The following NLRP10 variants were observed in gnomAD, a reference collection of about 807,000 sequenced individuals.
NLRP10 encodes the protein NLR family pyrin domain containing 10, also known as NACHT, LRR and PYD domains-containing protein 10.
A neutral mutation model predicts 8.2 loss-of-function variants in NLRP10; 7 were observed. The ratio of observed to expected loss-of-function variants is 0.85; its 90% CI spans 0.48 to 1.60. The LOEUF (loss-of-function observed/expected upper bound fraction) is 1.60. Ranked by LOEUF, NLRP10 falls within the 40% of genes most tolerant of loss-of-function variation. NLRP10 has a pLI of 0.00. For missense variants in NLRP10, 814 were observed against 776.3 expected (o/e 1.05, Z -0.58); for synonymous variants, 338 against 314.0 (o/e 1.08, Z -0.81).
chr11:7,959,893 CTTT>C lies in NLRP10; in HGVS notation c.1716_1718del (p.Ile572_Lys573delinsMet). The C allele has an allele frequency of 1.9e-6, 3 of 1,613,766 alleles. No individual in the cohort carries two copies. Among genetic ancestry groups the C allele is most frequent in the Non-Finnish European group, 2.5e-6 (3 of 1,179,710 alleles). On this transcript the variant is annotated inframe_deletion, in exon 3 of 3. Transcript: ENST00000691676. Reference sequence around the variant, plus strand: ...TCATCTGAATACCTTTTACCAGATTCTTTATTTTAGCTTCATACAGGGAGAATT... The same window carrying C: ...TCATCTGAATACCTTTTACCAGATTCATTTTAGCTTCATACAGGGAGAATT...
Position 7,959,603 on chromosome 11 carries a change from G to C in NLRP10, c.*41C>G. On this transcript the variant is annotated 3_prime_UTR_variant, in exon 3 of 3. Transcript: ENST00000691676. Reference sequence around the variant, plus strand: ...CTTTGATTTCTTTCCTCAGAGTGTTGTCATTTTCCTCATAGAGATCTTGTA... The same window carrying C: ...CTTTGATTTCTTTCCTCAGAGTGTTCTCATTTTCCTCATAGAGATCTTGTA... 1 of 1,038,102 alleles carries C rather than the reference G, an allele frequency of 9.6e-7. No homozygotes were observed. 64.3% of individuals were successfully genotyped at this position (1,038,102 alleles called of 1,614,324 possible). A position where few individuals can be genotyped will look rare whatever the true frequency, so the allele number is the denominator to read the frequency against.
In NLRP10 at chr11:7,960,368, G is replaced by A. The variant is rs1269132615; in HGVS notation, c.1244C>T (p.Ser415Phe). The A allele has an allele frequency of 6.2e-7, 1 of 1,613,904 alleles. No homozygotes were observed. Among genetic ancestry groups the A allele is most frequent in the Non-Finnish European group, 8.5e-7 (1 of 1,180,014 alleles). ...GTGCTGAATCCCTTCAGCTGCTAGGGAGCACAGACTCCTCAGGACCCTGTG... is the reference window on the plus strand; with the variant it reads ...GTGCTGAATCCCTTCAGCTGCTAGGAAGCACAGACTCCTCAGGACCCTGTG... ...SRHRVLRSLC[S>F]LAAEGIQHQR... Residue 415 changes from serine to phenylalanine, a missense_variant, in exon 3 of 3, where the codon TCC becomes TTC. Physicochemically the swap from Ser to Phe is radical, Grantham distance 155. Transcript: ENST00000691676.
rs1668482011 is a variant in NLRP10 at position 7,959,553 on chromosome 11, A to C, written c.*91T>G. On this transcript the variant is annotated 3_prime_UTR_variant, in exon 3 of 3. Transcript: ENST00000691676. ...GAGTCTTTCTATTCATGAACATGGAAAATCTTCCCATTCATTTACAGCTTC... is the reference window on the plus strand; with the variant it reads ...GAGTCTTTCTATTCATGAACATGGACAATCTTCCCATTCATTTACAGCTTC... 1 of 667,026 alleles carries C rather than the reference A, an allele frequency of 1.5e-6. No homozygotes were observed. 41.3% of individuals were successfully genotyped at this position (667,026 alleles called of 1,614,324 possible).
Position 7,960,480 on chromosome 11 carries a change from G to A in NLRP10, c.1132C>T (p.Pro378Ser), listed in dbSNP as rs1172318108. 2 of 1,614,010 alleles carry A rather than the reference G, an allele frequency of 1.2e-6. No homozygotes were observed. Among genetic ancestry groups the A allele is most frequent in the African/African-American group, 2.7e-5 (2 of 74,908 alleles). Residue 378 changes from proline (P) to serine (S), a missense_variant, in exon 3 of 3, where the codon CCT becomes TCT. By Grantham distance (74) the Pro-to-Ser change is moderately conservative. Transcript: ENST00000691676. ...ATGAAGATGTCAGTGCTGTTTCTAG[G>A]TGTCTCTAAGACAACTTTGCCTCTC... ...MERGKVVLET[P>S]RNSTDIFMAY... is the part of the protein sequence containing the mutation.
intron 2 of NLRP10, 55 bp downstream of exon 2, chr11:7,963,152 T>TG: frequency 6.5e-7 from 1 of 1,537,056 alleles, no homozygotes; most frequent in Non-Finnish European, 8.9e-7. Flanking sequence ...AATGCCATGG[T>TG]GGGAGGGGAG....
Position 7,959,845 on chromosome 11 carries a change from T to G in NLRP10, c.1767A>C (p.Lys589Asn). The change falls in exon 3 of 3, where the codon AAA becomes AAC. Residue 589 changes from lysine to asparagine, a missense_variant. Transcript: ENST00000691676. ...TCTGTGATTTCTTTTCATTTGAATGTTTTATCTTGAATGATACATTGTTCA... is the reference window on the plus strand; with the variant it reads ...TCTGTGATTTCTTTTCATTTGAATGGTTTATCTTGAATGATACATTGTTCA... ...IQMNNVSFKI[K>N]HSNEKKSQSQ... is the part of the protein sequence containing the mutation. 8.7e-6 allele frequency: 14 copies of G among 1,613,738 alleles called. No individual in the cohort carries two copies. The highest frequency in any genetic ancestry group is 1.2e-5 in the Non-Finnish European group (14 of 1,179,796).
intron 1 of NLRP10, among the ~76,000 whole-genome samples, chr11:7,964,825 A>G (rs1941793744): frequency 6.6e-6 from 1 of 152,232 alleles, no homozygotes; most frequent in African/African-American, 2.4e-5. Flanking sequence ...AGTCTTTGGA[A>G]AAGAAAAGCA....
chr11:7,959,782 A>G lies in NLRP10; in HGVS notation c.1830T>C (p.His610=), dbSNP rs1338107806. Residue 610 remains histidine (H), a synonymous_variant, in exon 3 of 3, where the codon CAT becomes CAC. Transcript: ENST00000691676. The part of the protein sequence containing the change: ...NLFSVKSSLS[H]GPKEEQKCPS... ...GACATTTTTGCTCCTCCTTAGGTCC[A>G]TGACTCAAGCTGCTTTTGACAGAAA... The G allele has an allele frequency of 2.5e-6, 4 of 1,613,990 alleles. No individual in the cohort carries two copies. Among genetic ancestry groups the G allele is most frequent in the East Asian group, 4.5e-5 (2 of 44,862 alleles).
Position 7,958,561 on chromosome 11 carries a change from T to C in NLRP10, c.*1083A>G, listed in dbSNP as rs1941660017. ...TGTTCCAATCTTTTTACTCACCTTT[T>C]TTTTTTTGAGGCAGAGTCTCACTCT... On this transcript the variant is annotated 3_prime_UTR_variant, in exon 3 of 3. Coordinates refer to ENST00000691676, the MANE Select transcript of NLRP10 (RefSeq NM_001391958.1). 6.6e-6 allele frequency among the ~76,000 whole-genome samples: 1 copy of C among 152,198 alleles called. No individual in the cohort carries two copies.
chr11:7,961,242 C>G lies in NLRP10; in HGVS notation c.370G>C (p.Val124Leu). Residue 124 changes from valine (V) to leucine (L), a missense_variant, in exon 3 of 3, where the codon GTG (valine) becomes CTG (leucine). By Grantham distance (32) the Val-to-Leu change is conservative. Transcript: ENST00000691676. ...GAGCTGGGCTTGGCCACCAGGAGCA[C>G]CTGGTTGTATCTGCCATTGACTCCT... ...EAGVNGRYNQ[V>L]LLVAKPSSES... is the part of the protein sequence containing the mutation. The G allele has an allele frequency of 1.2e-6, 2 of 1,613,162 alleles. No homozygotes were observed. The highest frequency in any genetic ancestry group is 1.7e-6 in the Non-Finnish European group (2 of 1,179,448).
chr11:7,960,323 T>G lies in NLRP10; in HGVS notation c.1289A>C (p.Glu430Ala), dbSNP rs995950260. Reference protein sequence around the residue: ...GIQHQRFLFEEAELRKHNLDG... With the variant: ...GIQHQRFLFEAAELRKHNLDG... ...TAAATTATGTTTCCTGAGCTCAGCT[T>G]CTTCAAATAGGAACCTCTGGTGCTG... The change falls in exon 3 of 3, where the codon GAA (glutamate) becomes GCA (alanine). Residue 430 changes from glutamate (E) to alanine (A), a missense_variant. Physicochemically the swap from Glu to Ala is moderately radical, Grantham distance 107. Coordinates refer to ENST00000691676, the MANE Select transcript of NLRP10 (RefSeq NM_001391958.1). 1 of 1,614,072 alleles carries G rather than the reference T, an allele frequency of 6.2e-7. No individual in the cohort carries two copies. Among genetic ancestry groups the G allele is most frequent in the Non-Finnish European group, 8.5e-7 (1 of 1,180,006 alleles).
At position 7,958,990 on chromosome 11, in the gene NLRP10, ACT is replaced by A. The variant is rs1941668177; in HGVS notation, c.*652_*653del. Among the ~76,000 whole-genome samples the A allele has an allele frequency of 6.6e-6, 1 of 151,772 alleles. No individual in the cohort carries two copies. Among genetic ancestry groups the A allele is most frequent in the Admixed American group, 6.6e-5 (1 of 15,224 alleles). Reference sequence around the variant, plus strand: ...TAAGTTTTTAATTTTCATGAAGCCAACTAATTCTTTTTTTAATGATTCATGCT... The same window carrying A: ...TAAGTTTTTAATTTTCATGAAGCCAAAATTCTTTTTTTAATGATTCATGCT... On this transcript the variant is annotated 3_prime_UTR_variant, in exon 3 of 3. Coordinates refer to ENST00000691676, the MANE Select transcript of NLRP10 (RefSeq NM_001391958.1).
intron 2 of NLRP10, among the ~76,000 whole-genome samples, chr11:7,962,712 C>G (rs1262535740): frequency 6.6e-6 from 1 of 152,218 alleles, no homozygotes; most frequent in East Asian, 1.9e-4. Flanking sequence ...TCCCTCCCCC[C>G]AGGCACCCAC....
rs754346424 is a variant in NLRP10, at chr11:7,960,243, C to T, written c.1369G>A (p.Ala457Thr). The T allele has an allele frequency of 3.1e-6, 5 of 1,614,168 alleles. No individual in the cohort carries two copies. In the Admixed American group the frequency reaches 8.3e-5, roughly 27 times the overall value. The change falls in exon 3 of 3, where the codon GCC becomes ACC. Residue 457 changes from alanine to threonine, a missense_variant. Transcript: ENST00000691676. The stretch of plus-strand genomic sequence containing the variant: ...CGGAAGCTGTAGAACTTCTTGATGG[C>T]AAGTCCCAATTGGTAGTCGTTACTA... ...LSSNDYQLGL[A>T]IKKFYSFRHI... is the part of the protein sequence containing the mutation.
rs1941639952 is a variant in NLRP10 at position 7,957,596 on chromosome 11, TA to T, written c.*2047del. On this transcript the variant is annotated 3_prime_UTR_variant, in exon 3 of 3. Coordinates refer to ENST00000691676, the MANE Select transcript of NLRP10 (RefSeq NM_001391958.1). The stretch of plus-strand genomic sequence containing the variant: ...AATTATACTTCAATAAAACTTTTTT[TA>T]AATACAGAAAGTTCCTATATACCCT... 6.6e-6 allele frequency among the ~76,000 whole-genome samples: 1 copy of T among 152,140 alleles called. No homozygotes were observed. The highest frequency in any genetic ancestry group is 6.5e-5 in the Admixed American group (1 of 15,270).
chr11:7,963,468 G>C lies in NLRP10; in HGVS notation c.28C>G (p.Arg10Gly). 6.2e-7 allele frequency: 1 copy of C among 1,613,276 alleles called. No individual in the cohort carries two copies. The highest frequency in any genetic ancestry group is 8.5e-7 in the Non-Finnish European group (1 of 1,179,554). MAMAKARKP[R>G]EALLWALSDL... ...CTCAAGGCCCAGAGCAATGCCTCCC[G>C]GGGCTTTCTGGCCTTGGCCATGGCC... Residue 10 changes from arginine to glycine, a missense_variant, in exon 2 of 3, where the codon CGG (arginine) becomes GGG (glycine). Transcript: ENST00000691676.
chr11:7,960,332 A>C lies in NLRP10; in HGVS notation c.1280T>G (p.Leu427Arg). The change falls in exon 3 of 3, where the codon CTA becomes CGA. Residue 427 changes from leucine to arginine, a missense_variant. Physicochemically the swap from Leu to Arg is moderately radical, Grantham distance 102 (BLOSUM62 -2). Transcript: ENST00000691676. Reference protein sequence around the residue: ...AAEGIQHQRFLFEEAELRKHN... With the variant: ...AAEGIQHQRFRFEEAELRKHN... Reference sequence around the variant, plus strand: ...TTTCCTGAGCTCAGCTTCTTCAAATAGGAACCTCTGGTGCTGAATCCCTTC... The same window carrying C: ...TTTCCTGAGCTCAGCTTCTTCAAATCGGAACCTCTGGTGCTGAATCCCTTC... The C allele has an allele frequency of 5.6e-6, 9 of 1,614,074 alleles. No individual in the cohort carries two copies. Among genetic ancestry groups the C allele is most frequent in the Non-Finnish European group, 7.6e-6 (9 of 1,180,008 alleles).
At position 7,958,567 on chromosome 11, in the gene NLRP10, T is replaced by C. The variant is rs192875711; in HGVS notation, c.*1077A>G. ...AATCTTTTTACTCACCTTTTTTTTT[T>C]TGAGGCAGAGTCTCACTCTGTTGCC... On this transcript the variant is annotated 3_prime_UTR_variant, in exon 3 of 3. Transcript: ENST00000691676. 6.6e-6 allele frequency among the ~76,000 whole-genome samples: 1 copy of C among 152,326 alleles called. No individual in the cohort carries two copies. Among genetic ancestry groups the C allele is most frequent in the Non-Finnish European group, 1.5e-5 (1 of 68,028 alleles).
rs1283408420 is a variant in NLRP10, at chr11:7,957,625, C to T, written c.*2019G>A. On this transcript the variant is annotated 3_prime_UTR_variant, in exon 3 of 3. Transcript: ENST00000691676. ...TACAGAAAGTTCCTATATACCCTCTCCACCACCACCACCCCCTCACAAAGT... is the reference window on the plus strand; with the variant it reads ...TACAGAAAGTTCCTATATACCCTCTTCACCACCACCACCCCCTCACAAAGT... Among the ~76,000 whole-genome samples the T allele has an allele frequency of 6.6e-6, 1 of 152,040 alleles. No homozygotes were observed. The highest frequency in any genetic ancestry group is 2.4e-5 in the African/African-American group (1 of 41,398).
Sources: gnomAD v4.1 joint callset for allele counts (sites outside exome capture counted in the v4.1 genomes callset) on GRCh38, gnomAD v4.1.1 for gene constraint, MANE v1.5 for transcripts, NCBI Gene and HGNC (gene_info 2026-07-23, HGNC 2026-07-21) for gene names.